The following SEPTIN10 variants were observed in gnomAD, a reference collection of about 807,000 sequenced individuals.
SEPTIN10 encodes the protein septin-10.
SEPTIN10 carries 66 observed loss-of-function variants against 54.8 expected under a neutral mutation model. The observed-to-expected ratio is 1.21, with a 90% confidence interval of 0.99 to 1.48. The LOEUF is 1.48. Among genes scored for constraint, SEPTIN10 ranks in the 40% most tolerant of loss-of-function variants. SEPTIN10 has a pLI of 0.00. For synonymous variants in SEPTIN10, 161 were observed against 181.0 expected, an observed-to-expected ratio of 0.89 and a Z score of 0.89; for missense variants, 620 against 545.6, an observed-to-expected ratio of 1.14 and a Z score of -1.36.
At chr2:109,554,268 AAAAC>A (rs1398994942) in intron 8 of SEPTIN10, among the ~76,000 whole-genome samples, 1 of 152,222 alleles carries the variant, frequency 6.6e-6, no homozygotes, top group African/African-American at 2.4e-5. Context: ...ATGTAATTCA[AAAAC>A]AAACAATAAC....
In SEPTIN10 at chr2:109,543,501, T is replaced by TA. The variant is rs1680444704; in HGVS notation, c.*807dup. The TA allele has an allele frequency of 6.6e-6, 1 of 152,190 alleles. No homozygotes were observed. The highest frequency in any genetic ancestry group is 2.4e-5 in the African/African-American group (1 of 41,454). The allele number at this position is 152,190 out of a possible 1,614,324, so 9.4% of individuals were successfully genotyped here. On this transcript the variant is annotated 3_prime_UTR_variant, in exon 11 of 11. Transcript: ENST00000397712. ...TCATATCACCAATTGGGTAATTGTA[T>TA]AAAAAATTTTTAAGTTCTATAAAAC... is the stretch of plus-strand genomic sequence containing the variant.
chr2:109,544,565 A>C, intron 10 of SEPTIN10: 1 of 982,866 alleles, frequency 1.0e-6, no homozygotes, highest in Non-Finnish European at 1.2e-6. Context: ...GAGCAGGGTG[A>C]TAATTTTTAC....
Position 109,543,192 on chromosome 2 carries a change from C to T in SEPTIN10, c.*1117G>A, listed in dbSNP as rs1227003794. 6.6e-6 allele frequency: 1 copy of T among 152,514 alleles called. No homozygotes were observed. Among genetic ancestry groups the T allele is most frequent in the African/African-American group, 2.4e-5 (1 of 41,420 alleles). 9.4% of individuals were successfully genotyped at this position (152,514 alleles called of 1,614,324 possible). A position where few individuals can be genotyped will look rare whatever the true frequency, so the allele number is the denominator to read the frequency against. On this transcript the variant is annotated 3_prime_UTR_variant, in exon 11 of 11. Coordinates refer to ENST00000397712, the MANE Select transcript of SEPTIN10 (RefSeq NM_144710.5). ...TTTATATCTTTAATATTCAGATGTT[C>T]ATAGTTATTTTCTTAAAAAGTATTT...
chr2:109,585,413 A>G, intron 3 of SEPTIN10, 92 bp from the exon 4 acceptor site: 2 of 1,106,030 alleles, frequency 1.8e-6, no homozygotes, highest in South Asian at 1.6e-5. Flanking sequence ...AAGATCCCAA[A>G]TATTTCAAAG....
Position 109,571,808 on chromosome 2 carries a change from C to A in SEPTIN10, c.600+2773G>T, listed in dbSNP as rs541350493. On this transcript the variant is annotated intron_variant, in intron 5 of 10. Transcript: ENST00000397712. Reference sequence around the variant, plus strand: ...GGTTGAACTGCTGGTTCAAGGTGGACTGCCTCTGAACAAGTGCTCATTAGC... The same window carrying A: ...GGTTGAACTGCTGGTTCAAGGTGGAATGCCTCTGAACAAGTGCTCATTAGC... Among the ~76,000 whole-genome samples, 62 of 152,282 alleles carry A rather than the reference C, an allele frequency of 4.1e-4. 1 individual carries two copies. Among genetic ancestry groups the A allele is most frequent in the African/African-American group, 1.3e-3 (56 of 41,566 alleles).
intron 1 of SEPTIN10, among the ~76,000 whole-genome samples, chr2:109,596,355 C>A (rs774531047): frequency 6.6e-6 from 1 of 152,064 alleles, no homozygotes; most frequent in Admixed American, 6.6e-5. Flanking sequence ...GTGTGGCTCA[C>A]GCCTGTAATT....
chr2:109,545,384 C>T, intron 10 of SEPTIN10: 1 of 1,531,958 alleles, frequency 6.5e-7, no homozygotes, highest in Non-Finnish European at 8.7e-7. Context: ...TTAACACATA[C>T]CCCAAACCTA....
Position 109,613,177 on chromosome 2 carries a change from C to A in SEPTIN10, c.30+621G>T, listed in dbSNP as rs544639888. On this transcript the variant is annotated intron_variant, in intron 1 of 10. Coordinates refer to ENST00000397712, the MANE Select transcript of SEPTIN10 (RefSeq NM_144710.5). ...CTATTAACGAAAATAGTTGTAACCA[C>A]ACTTGGAAAACCGCTGGCTTACTAA... 39 of 1,288,558 alleles carry A rather than the reference C, an allele frequency of 3.0e-5. No individual in the cohort carries two copies. In the South Asian group the frequency reaches 4.8e-4, roughly 16 times the overall value. The allele number at this position is 1,288,558 out of a possible 1,614,324, so 79.8% of individuals were successfully genotyped here. A position where few individuals can be genotyped will look rare whatever the true frequency, so the allele number is the denominator to read the frequency against.
intron 9 of SEPTIN10, among the ~76,000 whole-genome samples, chr2:109,547,049 T>TC (rs1216690817): frequency 6.6e-6 from 1 of 152,098 alleles, no homozygotes; most frequent in African/African-American, 2.4e-5. Context: ...AAAAAAGGTA[T>TC]CCAGCCCCCT....
Position 109,564,508 on chromosome 2 carries a change from C to A in SEPTIN10, c.886G>T (p.Val296Leu), listed in dbSNP as rs759200038. The part of the protein sequence containing the change: ...QVENENHCDF[V>L]KLREMLICTN... ...CAAATGAGCATTTCCCGCAGCTTTA[C>A]AAAGTCACAGTGGTTTTCATTTTCC... Residue 296 changes from valine (V) to leucine (L), a missense_variant, in exon 8 of 11, where the codon GTA (valine) becomes TTA (leucine). By Grantham distance (32) the Val-to-Leu change is conservative (BLOSUM62 1). Transcript: ENST00000397712. 6.5e-7 allele frequency: 1 copy of A among 1,547,336 alleles called. No individual in the cohort carries two copies. The highest frequency in any genetic ancestry group is 1.8e-5 in the Admixed American group (1 of 55,738).
intron 8 of SEPTIN10, among the ~76,000 whole-genome samples, chr2:109,557,207 G>A (rs1684580231): frequency 1.3e-5 from 2 of 151,996 alleles, no homozygotes; most frequent in Admixed American, 6.6e-5. Context: ...AAAAAATCTT[G>A]AATGCATAAC....
In SEPTIN10 at chr2:109,564,484, A is replaced by C; in HGVS notation, c.910T>G (p.Cys304Gly). The change falls in exon 8 of 11, where the codon TGT becomes GGT. Residue 304 changes from cysteine to glycine, a missense_variant. Cys to Gly is a radical substitution (Grantham distance 159, BLOSUM62 -3). Coordinates refer to ENST00000397712, the MANE Select transcript of SEPTIN10 (RefSeq NM_144710.5). The part of the protein sequence containing the change: ...DFVKLREMLI[C>G]TNMEDLREQT... The stretch of plus-strand genomic sequence containing the variant: ...TCTCGCAGGTCCTCCATATTTGTAC[A>C]AATGAGCATTTCCCGCAGCTTTACA... 6.3e-7 allele frequency: 1 copy of C among 1,575,288 alleles called. No individual in the cohort carries two copies. The highest frequency in any genetic ancestry group is 8.7e-7 in the Non-Finnish European group (1 of 1,155,052).
chr2:109,557,462 T>G (rs976288872), intron 8 of SEPTIN10, among the ~76,000 whole-genome samples: 27 of 152,172 alleles, frequency 1.8e-4, no homozygotes, highest in Admixed American at 3.3e-4. Context: ...CAAAGAAACA[T>G]AGCTGAAAAG....
intron 9 of SEPTIN10, among the ~76,000 whole-genome samples, chr2:109,550,854 G>A (rs970301299): frequency 1.3e-5 from 2 of 152,130 alleles, no homozygotes; most frequent in East Asian, 3.8e-4. Flanking sequence ...TGGTTGTAAC[G>A]TAGCTGCATT....
chr2:109,577,390 T>C (rs747493908), intron 4 of SEPTIN10, among the ~76,000 whole-genome samples: 7 of 151,974 alleles, frequency 4.6e-5, no homozygotes, highest in Non-Finnish European at 8.8e-5. Context: ...GGTCAGGAGT[T>C]CGAGACCAGC....
rs777524713 is a variant in SEPTIN10, at chr2:109,567,855, G to A, written c.722C>T (p.Thr241Met). The part of the protein sequence containing the change: ...SNGVQIYQFP[T>M]DDDTIAKVNA... ...GACCTTAGCAATAGTGTCATCATCC[G>A]TTGGGAACTGGTATATCTGGACGCC... Residue 241 changes from threonine to methionine, a missense_variant, in exon 6 of 11, where the codon ACG (threonine) becomes ATG (methionine). Coordinates refer to ENST00000397712, the MANE Select transcript of SEPTIN10 (RefSeq NM_144710.5). 6.8e-6 allele frequency: 11 copies of A among 1,612,562 alleles called. No homozygotes were observed. The highest frequency in any genetic ancestry group is 3.3e-5 in the South Asian group (3 of 90,742).
chr2:109,576,834 CAG>C (rs1461448283), intron 4 of SEPTIN10, among the ~76,000 whole-genome samples: 1 of 151,922 alleles, frequency 6.6e-6, no homozygotes, highest in Non-Finnish European at 1.5e-5. Flanking sequence ...GTAAAAGACA[CAG>C]AAGATATAAT....
chr2:109,606,404 ACT>A (rs1412060890), intron 1 of SEPTIN10, among the ~76,000 whole-genome samples: 6 of 151,940 alleles, frequency 3.9e-5, no homozygotes, highest in African/African-American at 7.3e-5. Context: ...ACAAAGCAAG[ACT>A]CTGTCTCAAA....
At chr2:109,549,358 T>C (rs1372303103) in intron 9 of SEPTIN10, among the ~76,000 whole-genome samples, 1 of 152,142 alleles carries the variant, frequency 6.6e-6, no homozygotes, top group Non-Finnish European at 1.5e-5. Context: ...ACTTTATACA[T>C]CATTCATGAG....
Sources: gnomAD v4.1 joint callset for allele counts (sites outside exome capture counted in the v4.1 genomes callset) on GRCh38, gnomAD v4.1.1 for gene constraint, MANE v1.5 for transcripts, NCBI Gene and HGNC (gene_info 2026-07-23, HGNC 2026-07-21) for gene names.